CDH22: variants seen among roughly 807,000 people sequenced by gnomAD.
The protein encoded by CDH22 is cadherin-22.
A neutral mutation model predicts 58.4 loss-of-function variants in CDH22; 30 were observed. That is an observed-to-expected ratio of 0.51 (90% CI 0.38 to 0.70). The LOEUF (loss-of-function observed/expected upper bound fraction) is 0.70, where lower values mean the gene tolerates loss of function less well. Among genes scored for constraint, CDH22 ranks in the 30% least tolerant of loss-of-function variants. The pLI is 0.00. For synonymous variants in CDH22, 513 were observed against 558.2 expected (o/e 0.92, Z 1.14); for missense variants, 1,014 against 1,233.9 (o/e 0.82, Z 2.67).
At chr20:46,253,629 T>C (rs1042260027) in intron 1 of CDH22, among the ~76,000 whole-genome samples, 3 of 152,186 alleles carry the variant, frequency 2.0e-5, no homozygotes, top group African/African-American at 7.2e-5. Flanking sequence ...TTTGATTCCC[T>C]GCATTATGAC....
Position 46,251,191 on chromosome 20 carries a change from C to T in CDH22, c.104G>A (p.Arg35His), listed in dbSNP as rs2086370484. 6 of 1,515,970 alleles carry T rather than the reference C, an allele frequency of 4.0e-6. No homozygotes were observed. The East Asian group carries it at 8.2e-5, about 21-fold the overall frequency. The allele number at this position is 1,515,970 out of a possible 1,614,324, so 93.9% of individuals were successfully genotyped here. Residue 35 changes from arginine (R) to histidine (H), a missense_variant, in exon 2 of 12, where the codon CGC (arginine) becomes CAC (histidine). Transcript: ENST00000537909. The surrounding 1 kb of genome is among the most constrained non-coding windows in gnomAD (Gnocchi z 6.7). ...CGAGGGTGTGCCCGCTGCCCACAGG[C>T]GCCCCAGCAGCGTCGGCGGCGGCGG... ...LLPPPPTLLG[R>H]LWAAGTPSPS...
intron 1 of CDH22, among the ~76,000 whole-genome samples, chr20:46,280,646 A>C (rs1030878443): frequency 1.2e-4 from 18 of 152,166 alleles, no homozygotes; most frequent in African/African-American, 3.9e-4. Flanking sequence ...GAGGCAGTGT[A>C]GTGCTGAGGA....
intron 1 of CDH22, among the ~76,000 whole-genome samples, chr20:46,276,199 A>C (rs2425840): frequency 0.32 from 48,305 of 152,082 alleles, 8,540 homozygotes; most frequent in Middle Eastern, 0.51. Context: ...CTGGCCACAC[A>C]CAGCTGGAAC....
At chr20:46,283,329 G>A (rs2086559379) in intron 1 of CDH22, among the ~76,000 whole-genome samples, 1 of 152,168 alleles carries the variant, frequency 6.6e-6, no homozygotes, top group Admixed American at 6.5e-5. Flanking sequence ...CACAGACTCA[G>A]ATTCCGATTC....
chr20:46,234,328 T>G (rs1430356314), intron 3 of CDH22, among the ~76,000 whole-genome samples: 2 of 152,272 alleles, frequency 1.3e-5, no homozygotes, highest in Non-Finnish European at 2.9e-5. Flanking sequence ...AGGTTCTGGT[T>G]TCCGCTTCTG....
At chr20:46,286,306 G>T (rs2086576548) in intron 1 of CDH22, among the ~76,000 whole-genome samples, 1 of 152,108 alleles carries the variant, frequency 6.6e-6, no homozygotes, top group Non-Finnish European at 1.5e-5. Context: ...CTCTGATGCT[G>T]GGCAGGGAGT....
chr20:46,294,402 G>A (rs540867885), intron 1 of CDH22, among the ~76,000 whole-genome samples: 32 of 152,300 alleles, frequency 2.1e-4, no homozygotes, highest in African/African-American at 7.7e-4. Context: ...GAAGGGGCTG[G>A]GGCCTCAGAC....
chr20:46,307,093 A>G lies in CDH22; in HGVS notation c.-400+1162T>C, dbSNP rs112231330. On this transcript the variant is annotated intron_variant, in intron 1 of 11. Transcript: ENST00000537909. Reference sequence around the variant, plus strand: ...GCCCCAGAAACCTGGGGAGTGCTGGAATCAGCCCCACGGAAAAAGAAGCTG... The same window carrying G: ...GCCCCAGAAACCTGGGGAGTGCTGGGATCAGCCCCACGGAAAAAGAAGCTG... Among the ~76,000 whole-genome samples, 4 of 152,332 alleles carry G rather than the reference A, an allele frequency of 2.6e-5. No homozygotes were observed. In the East Asian group the frequency reaches 7.7e-4, roughly 29 times the overall value.
intron 1 of CDH22, among the ~76,000 whole-genome samples, chr20:46,278,358 C>T (rs1283407632): frequency 2.0e-5 from 3 of 152,146 alleles, no homozygotes; most frequent in African/African-American, 7.2e-5. Context: ...CCCACCTCTG[C>T]CCCAGGCCTC....
At chr20:46,229,377 T>A (rs140202399) in intron 3 of CDH22, among the ~76,000 whole-genome samples, 16 of 150,658 alleles carry the variant, frequency 1.1e-4, no homozygotes, top group African/African-American at 3.4e-4. Flanking sequence ...GTGGTGGAAT[T>A]TGAACCCGGG....
chr20:46,183,623 G>A (rs977771482), intron 10 of CDH22, among the ~76,000 whole-genome samples: 1 of 152,040 alleles, frequency 6.6e-6, no homozygotes, highest in Admixed American at 6.6e-5. Flanking sequence ...AAAGAGATGG[G>A]TTTTCACTGT....
At chr20:46,296,325 T>A (rs2086628855) in intron 1 of CDH22, among the ~76,000 whole-genome samples, 1 of 152,218 alleles carries the variant, frequency 6.6e-6, no homozygotes, top group African/African-American at 2.4e-5. Flanking sequence ...ATCTCGTTCA[T>A]TCCAGCAAGG....
intron 1 of CDH22, among the ~76,000 whole-genome samples, chr20:46,272,805 C>T (rs1331094660): frequency 2.6e-5 from 4 of 152,200 alleles, no homozygotes; most frequent in African/African-American, 9.6e-5. Flanking sequence ...ATTGTACTGC[C>T]AGTGCTTAGC....
chr20:46,186,660 C>T lies in CDH22; in HGVS notation c.1591G>A (p.Gly531Arg), dbSNP rs781267867. Residue 531 changes from glycine to arginine, a missense_variant, in exon 10 of 12, where the codon GGG (glycine) becomes AGG (arginine). Transcript: ENST00000537909. ...SVVDRDEPQG[G>R]HRFYFRLVPE... ...ACCAGGCGGAAATAGAAGCGGTGCCCGCCTTGGGGCTCGTCTCTGTCCACC... is the reference window on the plus strand; with the variant it reads ...ACCAGGCGGAAATAGAAGCGGTGCCTGCCTTGGGGCTCGTCTCTGTCCACC... 1.3e-5 allele frequency: 21 copies of T among 1,613,578 alleles called. No individual in the cohort carries two copies. The highest frequency in any genetic ancestry group is 6.6e-5 in the South Asian group (6 of 91,046).
chr20:46,229,704 G>C (rs1055601409), intron 3 of CDH22, among the ~76,000 whole-genome samples: 5 of 152,332 alleles, frequency 3.3e-5, no homozygotes, highest in African/African-American at 1.2e-4. Context: ...CAGCACACCA[G>C]TATACAATGG....
chr20:46,194,888 C>A (rs540583805), intron 8 of CDH22, among the ~76,000 whole-genome samples: 1 of 152,280 alleles, frequency 6.6e-6, no homozygotes. Flanking sequence ...CACCACCACA[C>A]CCGGCTAATT....
chr20:46,185,005 G>A (rs2085814294), intron 10 of CDH22, among the ~76,000 whole-genome samples: 1 of 152,102 alleles, frequency 6.6e-6, no homozygotes, highest in East Asian at 1.9e-4. Context: ...AGAATCTCTT[G>A]ACCCTGGGAG....
chr20:46,217,066 C>G, intron 4 of CDH22, 73 bp from the exon 5 acceptor site: 1 of 1,452,926 alleles, frequency 6.9e-7, no homozygotes, highest in Non-Finnish European at 9.4e-7. Flanking sequence ...CCTGTACAGG[C>G]GGGATTCAGA....
intron 4 of CDH22, among the ~76,000 whole-genome samples, chr20:46,221,559 C>T (rs926935349): frequency 1.3e-5 from 2 of 152,170 alleles, no homozygotes; most frequent in East Asian, 1.9e-4. Flanking sequence ...GCTGCAAGGT[C>T]TCTTAAGGCC....
Sources: gnomAD v4.1 joint callset for allele counts (sites outside exome capture counted in the v4.1 genomes callset) on GRCh38, gnomAD v4.1.1 for gene constraint, Gnocchi (gnomAD v3.1) non-coding constraint, MANE v1.5 for transcripts, NCBI Gene and HGNC (gene_info 2026-07-23, HGNC 2026-07-21) for gene names.